Variants in KCNAB1 observed in about 807,000 individuals in gnomAD.
KCNAB1 encodes the protein voltage-gated potassium channel subunit beta-1.
A neutral mutation model predicts 64.6 loss-of-function variants in KCNAB1; 35 were observed. The ratio of observed to expected loss-of-function variants is 0.54; its 90% CI spans 0.41 to 0.72. KCNAB1 has a LOEUF of 0.72. Among genes scored for constraint, KCNAB1 ranks in the 30% least tolerant of loss-of-function variants. The pLI, the probability that KCNAB1 is intolerant of heterozygous loss-of-function variation, is 0.00. For synonymous variants in KCNAB1, 177 were observed against 183.8 expected (o/e 0.96, Z 0.30); for missense variants, 401 against 512.9 (o/e 0.78, Z 2.11).
At chr3:156,510,430 GTC>G (rs1366312743) in intron 8 of KCNAB1, among the ~76,000 whole-genome samples, 1 of 151,900 alleles carries the variant, frequency 6.6e-6, no homozygotes, top group African/African-American at 2.4e-5. Flanking sequence ...CCTTTATCAA[GTC>G]TCTCTCCCTC....
chr3:156,143,033 AATG>A, intron 1 of KCNAB1: 1 of 1,348,600 alleles, frequency 7.4e-7, no homozygotes, highest in South Asian at 2.2e-5. Context: ...CGCCTACAAA[AATG>A]ATAAGAGAGA....
intron 8 of KCNAB1, among the ~76,000 whole-genome samples, chr3:156,513,726 T>G (rs1459894453): frequency 1.3e-5 from 2 of 152,206 alleles, no homozygotes; most frequent in Non-Finnish European, 2.9e-5. Context: ...CAGGCCCCAG[T>G]GAAATCAATT....
intron 1 of KCNAB1, among the ~76,000 whole-genome samples, chr3:156,228,263 C>G (rs1716304147): frequency 6.6e-6 from 1 of 152,192 alleles, no homozygotes; most frequent in East Asian, 1.9e-4. Context: ...AGAAAAGAAG[C>G]AAGTGCTGGT....
At chr3:156,319,421 A>T (rs1029982265) in intron 1 of KCNAB1, among the ~76,000 whole-genome samples, 2 of 152,218 alleles carry the variant, frequency 1.3e-5, no homozygotes, top group South Asian at 4.1e-4. Flanking sequence ...TGAGCATGGC[A>T]AATGGTACAC....
intron 1 of KCNAB1, among the ~76,000 whole-genome samples, chr3:156,403,889 G>T (rs940872919): frequency 1.4e-5 from 2 of 139,998 alleles, no homozygotes; most frequent in Non-Finnish European, 3.1e-5. Flanking sequence ...GAAAGACTCT[G>T]CCTAAAAAAA....
At chr3:156,358,921 C>T (rs1725427745) in intron 1 of KCNAB1, among the ~76,000 whole-genome samples, 1 of 152,186 alleles carries the variant, frequency 6.6e-6, no homozygotes, top group Non-Finnish European at 1.5e-5. Flanking sequence ...TAAAGTTTTT[C>T]AGCAGAGAAC....
chr3:156,519,896 C>T (rs1425442935), intron 11 of KCNAB1, among the ~76,000 whole-genome samples: 8 of 152,172 alleles, frequency 5.3e-5, no homozygotes, highest in Non-Finnish European at 1.0e-4. Context: ...CCCTGTGAGA[C>T]CAATGACAGT....
chr3:156,238,481 A>G (rs957701748), intron 1 of KCNAB1, among the ~76,000 whole-genome samples: 6 of 151,592 alleles, frequency 4.0e-5, no homozygotes. Flanking sequence ...TCTTAAAGGC[A>G]CTGTTTGGAC....
chr3:156,342,030 C>T (rs1396096334), intron 1 of KCNAB1, among the ~76,000 whole-genome samples: 1 of 152,184 alleles, frequency 6.6e-6, no homozygotes, highest in South Asian at 2.1e-4. Flanking sequence ...CTTCTCCTAC[C>T]TCCTACACCA....
intron 1 of KCNAB1, among the ~76,000 whole-genome samples, chr3:156,149,776 T>G (rs1412164788): frequency 6.6e-6 from 1 of 152,208 alleles, no homozygotes; most frequent in South Asian, 2.1e-4. Flanking sequence ...GGTTGACATA[T>G]GTGGAAGTTG....
chr3:156,231,162 A>G (rs1716497565), intron 1 of KCNAB1, among the ~76,000 whole-genome samples: 1 of 152,124 alleles, frequency 6.6e-6, no homozygotes. Context: ...TTGAGCTGGG[A>G]TTATTTGTAA....
intron 1 of KCNAB1, among the ~76,000 whole-genome samples, chr3:156,216,564 A>AT (rs1034970788): frequency 1.3e-5 from 2 of 152,228 alleles, no homozygotes; most frequent in Non-Finnish European, 2.9e-5. Context: ...AATGAATAAC[A>AT]TTTGACAAAA....
At chr3:156,176,764 G>T in intron 1 of KCNAB1, 2 of 896,290 alleles carry the variant, frequency 2.2e-6, no homozygotes, top group South Asian at 1.3e-5. Context: ...CACCTCGGAG[G>T]TCCTGCTTGC....
intron 1 of KCNAB1, among the ~76,000 whole-genome samples, chr3:156,172,865 T>C (rs1270112887): frequency 2.0e-5 from 3 of 152,200 alleles, no homozygotes; most frequent in Non-Finnish European, 2.9e-5. Context: ...TCTAATGCCT[T>C]TTAAGCTAGA....
intron 1 of KCNAB1, among the ~76,000 whole-genome samples, chr3:156,282,508 T>C (rs1177620385): frequency 6.6e-6 from 1 of 151,138 alleles, no homozygotes; most frequent in African/African-American, 2.4e-5. Flanking sequence ...TGAGTTCAAT[T>C]CCTGGGTATC....
chr3:156,474,460 C>T (rs1714185517), intron 7 of KCNAB1, among the ~76,000 whole-genome samples: 1 of 152,142 alleles, frequency 6.6e-6, no homozygotes, highest in Admixed American at 6.6e-5. Context: ...TTGCCACATA[C>T]AAGTCACTGT....
intron 1 of KCNAB1, among the ~76,000 whole-genome samples, chr3:156,374,209 C>G (rs1201184076): frequency 6.6e-6 from 1 of 152,242 alleles, no homozygotes; most frequent in African/African-American, 2.4e-5. Context: ...CTCACTTAAC[C>G]TCTCTAGGTC....
chr3:156,247,135 TCAGTTGGCAGA>T lies in KCNAB1; in HGVS notation c.275+126251_275+126261del, dbSNP rs549932743. ...GCTGCACTCAGCCATGCATCTGCAG[TCAGTTGGCAGA>T]CTGTCTGCCGACTGGCTGGTATAGA... On this transcript the variant is annotated intron_variant, in intron 1 of 13. Transcript: ENST00000490337. Among the ~76,000 whole-genome samples, 248 of 152,316 alleles carry T rather than the reference TCAGTTGGCAGA, an allele frequency of 1.6e-3. 1 individual carries two copies. The highest frequency in any genetic ancestry group is 5.8e-3 in the African/African-American group (243 of 41,580).
intron 1 of KCNAB1, among the ~76,000 whole-genome samples, chr3:156,300,822 G>C (rs954705271): frequency 6.6e-6 from 1 of 152,166 alleles, no homozygotes; most frequent in Non-Finnish European, 1.5e-5. Context: ...GGCCAAATTT[G>C]ATGTATAGGT....
Sources: gnomAD v4.1 joint callset for allele counts (sites outside exome capture counted in the v4.1 genomes callset) on GRCh38, gnomAD v4.1.1 for gene constraint, MANE v1.5 for transcripts, NCBI Gene and HGNC (gene_info 2026-07-23, HGNC 2026-07-21) for gene names.